RNGTT: variants seen among roughly 807,000 people sequenced by gnomAD.
RNGTT encodes mRNA-capping enzyme.
Under a neutral mutation model 79.3 loss-of-function variants are expected in RNGTT, and 33 were observed. The ratio of observed to expected loss-of-function variants is 0.42; its 90% CI spans 0.32 to 0.56. The LOEUF (loss-of-function observed/expected upper bound fraction) is 0.56. Among genes scored for constraint, RNGTT ranks in the 20% least tolerant of loss-of-function variants. The probability of loss-of-function intolerance (pLI) is 0.17; values close to 1 mark genes in which losing one functional copy is unlikely to be tolerated. For synonymous variants in RNGTT, 222 were observed against 235.9 expected (o/e 0.94, Z 0.54); for missense variants, 497 against 739.1 (o/e 0.67, Z 3.80).
At chr6:88,734,158 A>T (rs1777207605) in intron 13 of RNGTT, among the ~76,000 whole-genome samples, 1 of 152,168 alleles carries the variant, frequency 6.6e-6, no homozygotes, top group Non-Finnish European at 1.5e-5. Context: ...GAAATAAATG[A>T]CAATAATGTT....
chr6:88,890,999 G>A (rs796081325), intron 7 of RNGTT, among the ~76,000 whole-genome samples: 1 of 152,198 alleles, frequency 6.6e-6, no homozygotes, highest in African/African-American at 2.4e-5. Context: ...ATAACTGCAA[G>A]GTTGGCAACT....
chr6:88,803,582 A>AT (rs1175032404), intron 11 of RNGTT, among the ~76,000 whole-genome samples: 1 of 150,800 alleles, frequency 6.6e-6, no homozygotes, highest in African/African-American at 2.5e-5. Context: ...ATCTCAAAAA[A>AT]AAAAAAAAAA....
chr6:88,842,745 C>A (rs569149659), intron 11 of RNGTT, among the ~76,000 whole-genome samples: 1 of 152,106 alleles, frequency 6.6e-6, no homozygotes, highest in South Asian at 2.1e-4. Context: ...CCAGAAGATG[C>A]AAGAAATATT....
rs540049624 is a variant in RNGTT, at chr6:88,937,080, C to T, written c.174+3991G>A. On this transcript the variant is annotated intron_variant, in intron 2 of 15. Coordinates refer to ENST00000369485, the MANE Select transcript of RNGTT (RefSeq NM_003800.5). ...TTGATGGGCCAGGCACGGTGGCTCA[C>T]GCCTGTAATCCCAACACTTTAAGAG... 6.6e-5 allele frequency among the ~76,000 whole-genome samples: 10 copies of T among 152,176 alleles called. No individual in the cohort carries two copies. The East Asian group carries it at 1.5e-3, about 24-fold the overall frequency.
At chr6:88,911,520 A>T (rs1349390814) in intron 4 of RNGTT, among the ~76,000 whole-genome samples, 3 of 151,776 alleles carry the variant, frequency 2.0e-5, no homozygotes, top group Admixed American at 2.0e-4. Flanking sequence ...GTCTCAATAA[A>T]TTTTTTTTTA....
At chr6:88,744,548 C>G (rs1366261423) in intron 13 of RNGTT, among the ~76,000 whole-genome samples, 1 of 152,170 alleles carries the variant, frequency 6.6e-6, no homozygotes, top group African/African-American at 2.4e-5. Context: ...GCATGAGCCA[C>G]CGTGCCCGGC....
chr6:88,843,874 TA>T (rs1433341305), intron 11 of RNGTT, among the ~76,000 whole-genome samples: 1 of 151,032 alleles, frequency 6.6e-6, no homozygotes, highest in Non-Finnish European at 1.5e-5. Flanking sequence ...TGATTCATTT[TA>T]AGTGGAAACA....
At chr6:88,859,841 G>T (rs879568601) in intron 8 of RNGTT, among the ~76,000 whole-genome samples, 3 of 152,202 alleles carry the variant, frequency 2.0e-5, no homozygotes, top group Non-Finnish European at 4.4e-5. Flanking sequence ...TGTGCTCCCA[G>T]TGGTAAAACT....
chr6:88,660,848 A>G (rs1774156627), intron 14 of RNGTT, among the ~76,000 whole-genome samples: 1 of 152,222 alleles, frequency 6.6e-6, no homozygotes, highest in Admixed American at 6.5e-5. Flanking sequence ...ATTCTACCCA[A>G]CAACTGCAGA....
intron 11 of RNGTT, among the ~76,000 whole-genome samples, chr6:88,802,657 C>G (rs1779829141): frequency 6.6e-6 from 1 of 152,112 alleles, no homozygotes; most frequent in Admixed American, 6.5e-5. Context: ...CTGGGGTGGC[C>G]TCACAGTCAT....
intron 10 of RNGTT, among the ~76,000 whole-genome samples, chr6:88,845,618 T>C (rs551952964): frequency 6.6e-6 from 1 of 152,320 alleles, no homozygotes; most frequent in East Asian, 1.9e-4. Flanking sequence ...ACCTAACATT[T>C]ACTCAACCTA....
At chr6:88,800,973 C>T (rs1445864393) in intron 12 of RNGTT, among the ~76,000 whole-genome samples, 2 of 152,088 alleles carry the variant, frequency 1.3e-5, no homozygotes, top group Non-Finnish European at 2.9e-5. Context: ...AATTATCTGG[C>T]CCAACACATC....
intron 12 of RNGTT, among the ~76,000 whole-genome samples, chr6:88,771,585 C>T (rs1433114865): frequency 6.6e-6 from 1 of 151,564 alleles, no homozygotes. Context: ...GAAAAATAAG[C>T]CTGCTGAGAT....
intron 8 of RNGTT, among the ~76,000 whole-genome samples, chr6:88,887,298 G>A (rs778329223): frequency 2.6e-5 from 4 of 152,024 alleles, no homozygotes; most frequent in East Asian, 1.9e-4. Context: ...CTTTAACGAC[G>A]ATGGAGTCCA....
intron 14 of RNGTT, among the ~76,000 whole-genome samples, chr6:88,669,151 C>A (rs1485313133): frequency 1.3e-5 from 2 of 152,132 alleles, no homozygotes; most frequent in Non-Finnish European, 2.9e-5. Flanking sequence ...CCGAGTCAAC[C>A]TTTTAATCCA....
At chr6:88,802,854 A>G (rs1484090106) in intron 11 of RNGTT, among the ~76,000 whole-genome samples, 7 of 152,186 alleles carry the variant, frequency 4.6e-5, no homozygotes, top group Non-Finnish European at 1.0e-4. Context: ...CTCCCACAAC[A>G]CCAGGTTATC....
intron 10 of RNGTT, among the ~76,000 whole-genome samples, chr6:88,845,887 C>T (rs1476275261): frequency 1.3e-5 from 2 of 151,986 alleles, no homozygotes; most frequent in African/African-American, 2.4e-5. Context: ...ATGCAATCAA[C>T]ATCATCAACA....
chr6:88,787,110 A>C (rs1048668741), intron 12 of RNGTT, among the ~76,000 whole-genome samples: 1 of 152,078 alleles, frequency 6.6e-6, no homozygotes, highest in African/African-American at 2.4e-5. Flanking sequence ...ACAGCACCCC[A>C]AACTGACTAA....
chr6:88,781,774 T>C (rs909574540), intron 12 of RNGTT, among the ~76,000 whole-genome samples: 2 of 152,100 alleles, frequency 1.3e-5, no homozygotes, highest in African/African-American at 4.8e-5. Flanking sequence ...CTAGTTCATC[T>C]CCATTCTGAT....
Sources: gnomAD v4.1 joint callset for allele counts (sites outside exome capture counted in the v4.1 genomes callset) on GRCh38, gnomAD v4.1.1 for gene constraint, MANE v1.5 for transcripts, NCBI Gene and HGNC (gene_info 2026-07-23, HGNC 2026-07-21) for gene names.